Variants in MRAP2 observed in about 807,000 individuals in gnomAD.
MRAP2 encodes melanocortin-2 receptor accessory protein 2.
Under a neutral mutation model 17.4 loss-of-function variants are expected in MRAP2, and 20 were observed. The ratio of observed to expected loss-of-function variants is 1.15; its 90% CI spans 0.81 to 1.67. MRAP2 has a LOEUF of 1.67. Among genes scored for constraint, MRAP2 ranks in the 40% most tolerant of loss-of-function variants. The probability of loss-of-function intolerance (pLI) is 0.00; values close to 1 mark genes in which losing one functional copy is unlikely to be tolerated. For missense variants in MRAP2, 238 were observed against 240.0 expected (o/e 0.99, Z 0.05); for synonymous variants, 96 against 88.4 (o/e 1.09, Z -0.48).
intron 3 of MRAP2, among the ~76,000 whole-genome samples, chr6:84,073,841 G>A (rs1369348136): frequency 6.6e-6 from 1 of 150,810 alleles, no homozygotes; most frequent in African/African-American, 2.4e-5. Flanking sequence ...ACACAAATTC[G>A]TAAATTTGCT....
At chr6:84,141,403 TTAA>T in the MRAP2 span, among the ~76,000 whole-genome samples, 1 of 152,178 alleles carries the variant, frequency 6.6e-6, no homozygotes, top group South Asian at 2.1e-4. Context: ...AAGACCAACG[TTAA>T]CATCTACATC....
the MRAP2 span, among the ~76,000 whole-genome samples, chr6:84,121,570 G>A: frequency 6.6e-6 from 1 of 152,078 alleles, no homozygotes; most frequent in Non-Finnish European, 1.5e-5. Flanking sequence ...CCTGAACCCA[G>A]GAGGCGGAGG....
At chr6:84,126,309 A>G in the MRAP2 span, 1 of 1,209,626 alleles carries the variant, frequency 8.3e-7, no homozygotes, top group Non-Finnish European at 1.1e-6. Context: ...AGGGATGACA[A>G]AACTATAGCA....
the MRAP2 span, among the ~76,000 whole-genome samples, chr6:84,118,536 G>A: frequency 6.6e-6 from 1 of 152,208 alleles, no homozygotes; most frequent in Non-Finnish European, 1.5e-5. Flanking sequence ...TTCTGGCAAT[G>A]CAGTTGTGCT....
chr6:84,106,390 G>A, the MRAP2 span, among the ~76,000 whole-genome samples: 50 of 152,262 alleles, frequency 3.3e-4, 1 homozygote, highest in East Asian at 9.1e-3. Flanking sequence ...CTTCCATGAT[G>A]GAAGTGATCC....
At chr6:84,141,676 G>C in the MRAP2 span, among the ~76,000 whole-genome samples, 2 of 152,230 alleles carry the variant, frequency 1.3e-5, no homozygotes, top group African/African-American at 4.8e-5. Context: ...ATCCAGGGCC[G>C]GGGTGTATAG....
intron 1 of MRAP2, among the ~76,000 whole-genome samples, chr6:84,038,846 T>TCAAGTA (rs2099486799): frequency 6.6e-6 from 1 of 152,210 alleles, no homozygotes; most frequent in South Asian, 2.1e-4. Flanking sequence ...TGGGATCTAC[T>TCAAGTA]CAAGTATTTG....
chr6:84,050,563 A>T (rs140342746), intron 1 of MRAP2, among the ~76,000 whole-genome samples: 28 of 152,374 alleles, frequency 1.8e-4, no homozygotes, highest in Admixed American at 5.9e-4. Flanking sequence ...CCTTGGGCTC[A>T]TCAGCCACCA....
At chr6:84,098,883 C>A in the MRAP2 span, among the ~76,000 whole-genome samples, 1 of 151,982 alleles carries the variant, frequency 6.6e-6, no homozygotes, top group African/African-American at 2.4e-5. Flanking sequence ...CAAATAGTTT[C>A]TCTCAGTTTG....
At chr6:84,052,825 A>C in intron 1 of MRAP2, 1 of 984,364 alleles carries the variant, frequency 1.0e-6, no homozygotes, top group East Asian at 1.1e-4. Flanking sequence ...AGTGTTTGTC[A>C]GAGCTTTGCT....
chr6:84,057,335 GAAGC>G (rs979133476), intron 2 of MRAP2, among the ~76,000 whole-genome samples: 1 of 152,204 alleles, frequency 6.6e-6, no homozygotes, highest in African/African-American at 2.4e-5. Context: ...ATTTCAAGGG[GAAGC>G]ACTCATTGCG....
At chr6:84,063,322 A>G (rs2099493664) in intron 3 of MRAP2, 2 of 984,984 alleles carry the variant, frequency 2.0e-6, no homozygotes, top group Non-Finnish European at 2.4e-6. Flanking sequence ...AAGGATTTAG[A>G]TGATTCACCA....
the MRAP2 span, among the ~76,000 whole-genome samples, chr6:84,110,880 T>C: frequency 6.6e-6 from 1 of 152,208 alleles, no homozygotes; most frequent in Non-Finnish European, 1.5e-5. Context: ...TTGCTTGTTT[T>C]TGTCAGGTTT....
chr6:84,117,686 G>GTGTGT, the MRAP2 span, among the ~76,000 whole-genome samples: 7 of 130,444 alleles, frequency 5.4e-5, no homozygotes, highest in Admixed American at 5.4e-4. Flanking sequence ...TGTGTGTGTG[G>GTGTGT]TTGTTGTTGT....
Position 84,089,104 on chromosome 6 carries a change from T to G in MRAP2, c.241T>G (p.Ser81Ala). The G allele has an allele frequency of 6.2e-7, 1 of 1,613,006 alleles. No homozygotes were observed. The highest frequency in any genetic ancestry group is 8.5e-7 in the Non-Finnish European group (1 of 1,179,610). ...TTTTTTAAATAGCAATGCAGAGTCC[T>G]CAGAGAAGAGATTCAGAATGAACAG... The part of the protein sequence containing the change: ...GAPHQDNAES[S>A]EKRFRMNSFV... The change falls in exon 4 of 4, where the codon TCA (serine) becomes GCA (alanine). Residue 81 changes from serine to alanine, a missense_variant. Ser to Ala is a moderately conservative substitution (Grantham distance 99). Coordinates refer to ENST00000257776, the MANE Select transcript of MRAP2 (RefSeq NM_138409.4).
At chr6:84,082,980 G>A (rs535520653) in intron 3 of MRAP2, among the ~76,000 whole-genome samples, 8 of 150,950 alleles carry the variant, frequency 5.3e-5, no homozygotes, top group South Asian at 4.2e-4. Context: ...TCTCCCTTAC[G>A]TGCCCACCTT....
At chr6:84,097,228 A>G in the MRAP2 span, among the ~76,000 whole-genome samples, 1 of 152,274 alleles carries the variant, frequency 6.6e-6, no homozygotes, top group Non-Finnish European at 1.5e-5. Flanking sequence ...GTGGTGGGGT[A>G]GGGCAGGGTG....
chr6:84,044,592 C>T (rs73479090), intron 1 of MRAP2, among the ~76,000 whole-genome samples: 1,824 of 152,340 alleles, frequency 0.012, 33 homozygotes, highest in South Asian at 0.065. Flanking sequence ...CTTGTTGCCT[C>T]TTCACACAGT....
chr6:84,042,116 G>A (rs2099487746), intron 1 of MRAP2, among the ~76,000 whole-genome samples: 1 of 152,180 alleles, frequency 6.6e-6, no homozygotes, highest in African/African-American at 2.4e-5. Flanking sequence ...TCCTGATAGT[G>A]AGTGAGTTCT....
Sources: allele counts gnomAD v4.1 joint callset (sites outside exome capture counted in the v4.1 genomes callset), GRCh38; gene constraint gnomAD v4.1.1; transcripts MANE v1.5; gene names NCBI Gene and HGNC (gene_info 2026-07-23, HGNC 2026-07-21).